PDGFC: variants seen among roughly 807,000 people sequenced by gnomAD.
PDGFC encodes platelet-derived growth factor C.
PDGFC carries 12 observed loss-of-function variants against 35.5 expected under a neutral mutation model. The observed-to-expected ratio is 0.34, with a 90% confidence interval of 0.22 to 0.55. The LOEUF (loss-of-function observed/expected upper bound fraction) is 0.55, where lower values mean the gene tolerates loss of function less well. PDGFC is among the 20% of genes least tolerant of loss of function. The pLI is 0.91. For synonymous variants in PDGFC, 159 were observed against 148.8 expected (o/e 1.07, Z -0.50); for missense variants, 322 against 412.4 (o/e 0.78, Z 1.90).
chr4:156,904,623 C>T (rs1316633614), intron 1 of PDGFC, among the ~76,000 whole-genome samples: 2 of 151,976 alleles, frequency 1.3e-5, no homozygotes, highest in East Asian at 1.9e-4. Context: ...AGAATTTCAC[C>T]ATCAAGTGTA....
intron 1 of PDGFC, among the ~76,000 whole-genome samples, chr4:156,926,757 G>C (rs931070269): frequency 4.7e-4 from 71 of 152,290 alleles, no homozygotes; most frequent in African/African-American, 1.6e-3. Context: ...GGCTGGCGTT[G>C]AGTGTCTGTG....
At chr4:156,913,684 CTT>C in intron 1 of PDGFC, among the ~76,000 whole-genome samples, 1 of 143,996 alleles carries the variant, frequency 6.9e-6, no homozygotes, top group East Asian at 2.1e-4. Context: ...TTTGCTTCTT[CTT>C]AGGTGACATT....
At chr4:156,802,371 T>C (rs563258606) in intron 3 of PDGFC, among the ~76,000 whole-genome samples, 178 of 152,180 alleles carry the variant, frequency 1.2e-3, no homozygotes, top group African/African-American at 3.9e-3. Context: ...GGCAGGGGCA[T>C]AGACAAGAAG....
chr4:156,776,735 T>G (rs1198133911), intron 3 of PDGFC, among the ~76,000 whole-genome samples: 1 of 152,192 alleles, frequency 6.6e-6, no homozygotes, highest in Non-Finnish European at 1.5e-5. Context: ...TTACTCTGAA[T>G]GACAACATGA....
At chr4:156,878,380 A>G (rs1345870175) in intron 1 of PDGFC, among the ~76,000 whole-genome samples, 2 of 152,204 alleles carry the variant, frequency 1.3e-5, no homozygotes, top group Non-Finnish European at 2.9e-5. Flanking sequence ...ATCACAGACT[A>G]AATTTTACTA....
Position 156,763,021 on chromosome 4 carries a change from A to T in PDGFC, c.*69T>A, listed in dbSNP as rs950279706. The T allele has an allele frequency of 9.9e-6, 8 of 804,078 alleles. No individual in the cohort carries two copies. Among genetic ancestry groups the T allele is most frequent in the Non-Finnish European group, 1.6e-5 (7 of 447,224 alleles). The allele number at this position is 804,078 out of a possible 1,614,324, so 49.8% of individuals were successfully genotyped here. A position where few individuals can be genotyped will look rare whatever the true frequency, so the allele number is the denominator to read the frequency against. On this transcript the variant is annotated 3_prime_UTR_variant, in exon 6 of 6. Coordinates refer to ENST00000502773, the MANE Select transcript of PDGFC (RefSeq NM_016205.3). ...CTGAGATTAAGGATGGAGATAACGC[A>T]TACGTTCTCTAATAGAATCAGCCAC...
At chr4:156,857,953 A>T (rs970992094) in intron 1 of PDGFC, among the ~76,000 whole-genome samples, 56 of 152,050 alleles carry the variant, frequency 3.7e-4, no homozygotes, top group Non-Finnish European at 4.9e-4. Context: ...AATCACTGCA[A>T]CTCTAGGTTT....
At chr4:156,965,346 G>A (rs897571251) in intron 1 of PDGFC, among the ~76,000 whole-genome samples, 15 of 152,262 alleles carry the variant, frequency 9.9e-5, no homozygotes, top group African/African-American at 2.4e-4. Flanking sequence ...TACAGGAAGC[G>A]ATTCAAACAA....
intron 2 of PDGFC, among the ~76,000 whole-genome samples, chr4:156,821,691 G>A (rs6842384): frequency 0.059 from 9,007 of 152,154 alleles, 875 homozygotes; most frequent in African/African-American, 0.2. Context: ...GGGATTACAG[G>A]TGTGCACCAC....
intron 3 of PDGFC, among the ~76,000 whole-genome samples, chr4:156,773,355 C>T (rs1418488676): frequency 2.0e-5 from 3 of 152,004 alleles, no homozygotes; most frequent in African/African-American, 7.2e-5. Flanking sequence ...AGTTAGAAAT[C>T]ATTTGACATT....
chr4:156,808,461 C>A (rs1463947208), intron 3 of PDGFC, among the ~76,000 whole-genome samples: 1 of 151,858 alleles, frequency 6.6e-6, no homozygotes, highest in Non-Finnish European at 1.5e-5. Context: ...GAAGTTCATC[C>A]AGAGCAAAAA....
At chr4:156,774,830 T>C (rs1275435748) in intron 3 of PDGFC, among the ~76,000 whole-genome samples, 2 of 152,108 alleles carry the variant, frequency 1.3e-5, no homozygotes, top group Non-Finnish European at 2.9e-5. Flanking sequence ...ATCTTTTTGT[T>C]TTTTAAATAA....
rs1026789985 is a variant in PDGFC, at chr4:156,780,544, T to G, written c.496-7651A>C. On this transcript the variant is annotated intron_variant, in intron 3 of 5. Transcript: ENST00000502773. ...GAATAGTGGCTATATTGGTAGACAT[T>G]GTCAATTATATGTTCAATAAGTTAA... 2.6e-5 allele frequency among the ~76,000 whole-genome samples: 4 copies of G among 152,182 alleles called. No homozygotes were observed. In the East Asian group the frequency reaches 7.7e-4, roughly 29 times the overall value.
intron 1 of PDGFC, among the ~76,000 whole-genome samples, chr4:156,881,106 A>G (rs573394011): frequency 1.3e-5 from 2 of 152,308 alleles, no homozygotes; most frequent in East Asian, 3.9e-4. Context: ...CAATTGATGC[A>G]GCAAACTTCA....
chr4:156,800,077 G>A (rs550053171), intron 3 of PDGFC, among the ~76,000 whole-genome samples: 1 of 152,182 alleles, frequency 6.6e-6, no homozygotes, highest in East Asian at 1.9e-4. Context: ...CAGTCAAGAG[G>A]CAGTCTGATT....
chr4:156,819,785 T>A (rs1461479725), intron 2 of PDGFC, among the ~76,000 whole-genome samples: 1 of 152,188 alleles, frequency 6.6e-6, no homozygotes, highest in East Asian at 1.9e-4. Flanking sequence ...CACAAGGTAA[T>A]AGCTGCCATG....
At position 156,812,751 on chromosome 4, in the gene PDGFC, A is replaced by G. The variant is rs143422436; in HGVS notation, c.315-1734T>C. Among the ~76,000 whole-genome samples, 1,473 of 152,136 alleles carry G rather than the reference A, an allele frequency of 9.7e-3. 33 individuals are homozygous for G. Among genetic ancestry groups the G allele is most frequent in the African/African-American group, 0.032 (1,346 of 41,510 alleles). ...GGTAAACTGGGAATAATGCTACCTAACTCAGAGACATTTGAAGAAAGGAAA... is the reference window on the plus strand; with the variant it reads ...GGTAAACTGGGAATAATGCTACCTAGCTCAGAGACATTTGAAGAAAGGAAA... On this transcript the variant is annotated intron_variant, in intron 2 of 5. Transcript: ENST00000502773.
intron 3 of PDGFC, among the ~76,000 whole-genome samples, chr4:156,802,050 T>C (rs967014138): frequency 6.6e-6 from 1 of 152,178 alleles, no homozygotes; most frequent in Non-Finnish European, 1.5e-5. Flanking sequence ...TCTTGCAACA[T>C]GTGGTTACTA....
intron 1 of PDGFC, among the ~76,000 whole-genome samples, chr4:156,882,103 T>C (rs1184684599): frequency 6.6e-6 from 1 of 152,180 alleles, no homozygotes; most frequent in Non-Finnish European, 1.5e-5. Flanking sequence ...ATTTGAAGTA[T>C]GACTGTATCT....
Sources: allele counts gnomAD v4.1 joint callset (sites outside exome capture counted in the v4.1 genomes callset), GRCh38; gene constraint gnomAD v4.1.1; transcripts MANE v1.5; gene names NCBI Gene and HGNC (gene_info 2026-07-23, HGNC 2026-07-21).